FBXO15: variants seen among roughly 807,000 people sequenced by gnomAD.
FBXO15 encodes F-box only protein 15.
A neutral mutation model predicts 49.5 loss-of-function variants in FBXO15; 30 were observed. The observed-to-expected ratio is 0.61, with a 90% CI of 0.45 to 0.82. The LOEUF is 0.82. Ranked by LOEUF, FBXO15 falls within the 40% of genes least tolerant of loss-of-function variation. The pLI, the probability that FBXO15 is intolerant of heterozygous loss-of-function variation, is 0.00. For synonymous variants in FBXO15, 250 were observed against 232.7 expected (o/e 1.07, Z -0.68); for missense variants, 591 against 631.5 (o/e 0.94, Z 0.69).
intron 1 of FBXO15, 109 bp downstream of exon 1, chr18:74,147,561 C>A: frequency 7.7e-7 from 1 of 1,298,594 alleles, no homozygotes; most frequent in South Asian, 2.3e-5. Context: ...TTGAAGACGG[C>A]CACGGGCCTT....
chr18:74,077,882 C>T (rs1169537139), intron 9 of FBXO15, among the ~76,000 whole-genome samples: 4 of 152,184 alleles, frequency 2.6e-5, no homozygotes, highest in African/African-American at 7.2e-5. Flanking sequence ...CCACCCTGCA[C>T]GACCTTAGCC....
chr18:74,126,069 T>C lies in FBXO15; in HGVS notation c.818A>G (p.Asn273Ser), dbSNP rs79499419. The C allele has an allele frequency of 3.1e-4, 500 of 1,613,956 alleles. 2 individuals carry two copies. In the East Asian group the frequency reaches 0.01, roughly 32 times the overall value. ...GGTAGATATGGTCAAATGACTCAGA[T>C]TGTACTTTGCAATTAAAGAATGCCA... is the stretch of plus-strand genomic sequence containing the variant. ...LRWHSLIAKY[N>S]LSHLTISTMI... Residue 273 changes from asparagine (N) to serine (S), a missense_variant, in exon 6 of 10, where the codon AAT (asparagine) becomes AGT (serine). Coordinates refer to ENST00000419743, the MANE Select transcript of FBXO15 (RefSeq NM_001142958.2).
In FBXO15 at chr18:74,114,025, G is replaced by A. The variant is rs1376257551; in HGVS notation, c.1138+9343C>T. ...AGCCTGGCCCTTGGATGTGGTCTAG[G>A]CATTTGGATTTCAGGAGTGTTCTCA... On this transcript the variant is annotated intron_variant, in intron 8 of 9. Transcript: ENST00000419743. 2.0e-5 allele frequency among the ~76,000 whole-genome samples: 3 copies of A among 152,158 alleles called. No homozygotes were observed. In the East Asian group the frequency reaches 5.8e-4, roughly 29 times the overall value.
At chr18:74,103,879 G>A (rs1179439602) in intron 8 of FBXO15, among the ~76,000 whole-genome samples, 1 of 152,124 alleles carries the variant, frequency 6.6e-6, no homozygotes, top group East Asian at 1.9e-4. Context: ...GCTAAAAGGA[G>A]TTATTCAGTC....
At chr18:74,126,501 A>AT (rs1351367721) in intron 5 of FBXO15, among the ~76,000 whole-genome samples, 2 of 152,250 alleles carry the variant, frequency 1.3e-5, no homozygotes, top group African/African-American at 4.8e-5. Flanking sequence ...AAGATACACT[A>AT]TTTCAAGTGA....
chr18:74,081,493 C>T (rs956474823), intron 9 of FBXO15, among the ~76,000 whole-genome samples: 2 of 152,216 alleles, frequency 1.3e-5, no homozygotes, highest in African/African-American at 4.8e-5. Context: ...AAGGAAATCC[C>T]TATATCCTGG....
At chr18:74,101,886 A>G (rs1193186220) in intron 8 of FBXO15, among the ~76,000 whole-genome samples, 3 of 152,188 alleles carry the variant, frequency 2.0e-5, no homozygotes, top group African/African-American at 7.2e-5. Context: ...TATTCAACAA[A>G]TGTGCTGGGA....
At chr18:74,126,907 G>C (rs9945052) in intron 5 of FBXO15, among the ~76,000 whole-genome samples, 13,930 of 151,956 alleles carry the variant, frequency 0.092, 1,202 homozygotes, top group African/African-American at 0.23. Context: ...CTTGTGCAGA[G>C]AACAACAACT....
intron 1 of FBXO15, among the ~76,000 whole-genome samples, chr18:74,141,696 C>T (rs1315053553): frequency 6.6e-6 from 1 of 152,156 alleles, no homozygotes; most frequent in Non-Finnish European, 1.5e-5. Context: ...GAGGATGGCC[C>T]TCAACTCTGA....
At position 74,126,002 on chromosome 18, in the gene FBXO15, G is replaced by T; in HGVS notation, c.885C>A (p.His295Gln). 1 of 1,614,058 alleles carries T rather than the reference G, an allele frequency of 6.2e-7. No homozygotes were observed. The highest frequency in any genetic ancestry group is 8.5e-7 in the Non-Finnish European group (1 of 1,179,972). The change falls in exon 6 of 10, where the codon CAC becomes CAA. Residue 295 changes from histidine (H) to glutamine (Q), a missense_variant. By Grantham distance (24) the His-to-Gln change is conservative. Coordinates refer to ENST00000419743, the MANE Select transcript of FBXO15 (RefSeq NM_001142958.2). The stretch of plus-strand genomic sequence containing the variant: ...TCCACACTCCCACCAGGAGGCCAGG[G>T]TGCAGGCAGAAGATCCGAATGAGTC... ...CDRLIRIFCLHPGLLVGVWKK... is the reference protein window; with the variant it reads ...CDRLIRIFCLQPGLLVGVWKK...
intron 1 of FBXO15, among the ~76,000 whole-genome samples, chr18:74,141,593 A>G (rs1216676637): frequency 2.0e-5 from 3 of 152,202 alleles, no homozygotes; most frequent in African/African-American, 7.2e-5. Context: ...TTGGGAGCAA[A>G]AAAAGAGATG....
chr18:74,130,732 G>A, intron 3 of FBXO15, 74 bp from the exon 4 acceptor site: 1 of 1,444,068 alleles, frequency 6.9e-7, no homozygotes, highest in Non-Finnish European at 9.4e-7. Context: ...TCAAATTAGA[G>A]ATGCATATTT....
chr18:74,093,928 A>C (rs1412239680), intron 8 of FBXO15, among the ~76,000 whole-genome samples: 2 of 152,256 alleles, frequency 1.3e-5, no homozygotes, highest in Non-Finnish European at 2.9e-5. Context: ...ATAAAACTAT[A>C]GACTTGTAAA....
At chr18:74,093,266 G>GGT (rs1555676384) in intron 8 of FBXO15, among the ~76,000 whole-genome samples, 1,969 of 149,896 alleles carry the variant, frequency 0.013, 68 homozygotes, top group African/African-American at 0.046. Context: ...AAAACAATGG[G>GGT]GGGGGGGTGG....
rs908341550 is a variant in FBXO15, at chr18:74,081,983, G to T, written c.1207C>A (p.Leu403Ile). 6.2e-7 allele frequency: 1 copy of T among 1,613,028 alleles called. No homozygotes were observed. The highest frequency in any genetic ancestry group is 1.3e-5 in the African/African-American group (1 of 74,894). ...CACGAGAGGCCAACTTTTCCAATAA[G>T]AGGTAGGTGTTCTCTGTTATTTTTT... ...HLKNNREHLP[L>I]IGKVGLSWKT... The change falls in exon 9 of 10, where the codon CTT becomes ATT. Residue 403 changes from leucine to isoleucine, a missense_variant. Physicochemically the swap from Leu to Ile is conservative, Grantham distance 5 (BLOSUM62 2). Transcript: ENST00000419743.
intron 3 of FBXO15, among the ~76,000 whole-genome samples, chr18:74,133,030 G>A (rs1025984559): frequency 1.3e-5 from 2 of 152,148 alleles, no homozygotes; most frequent in African/African-American, 4.8e-5. Flanking sequence ...CAGAAGTAAC[G>A]CTTAGAATAC....
intron 8 of FBXO15, among the ~76,000 whole-genome samples, chr18:74,105,121 A>T (rs1014511986): frequency 6.6e-6 from 1 of 152,142 alleles, no homozygotes; most frequent in Non-Finnish European, 1.5e-5. Flanking sequence ...TGTGTATCTC[A>T]TGAAGACAGA....
chr18:74,100,114 A>T (rs1359744441), intron 8 of FBXO15: 1 of 152,194 alleles, frequency 6.6e-6, no homozygotes, highest in Non-Finnish European at 1.5e-5. Context: ...CAGAATATAC[A>T]TTCTATTCAT....
chr18:74,083,332 G>A (rs1055253873), intron 8 of FBXO15, among the ~76,000 whole-genome samples: 3 of 152,156 alleles, frequency 2.0e-5, no homozygotes, highest in South Asian at 2.1e-4. Flanking sequence ...TCATCACCTC[G>A]TCACCTCAGC....
Sources: allele counts gnomAD v4.1 joint callset (sites outside exome capture counted in the v4.1 genomes callset), GRCh38; gene constraint gnomAD v4.1.1; transcripts MANE v1.5; gene names NCBI Gene and HGNC (gene_info 2026-07-23, HGNC 2026-07-21).